The following ZNF532 variants were observed in gnomAD, a reference collection of about 807,000 sequenced individuals.
ZNF532 encodes zinc finger protein 532.
A neutral mutation model predicts 89.3 loss-of-function variants in ZNF532; 22 were observed. The ratio of observed to expected loss-of-function variants is 0.25; its 90% confidence interval spans 0.18 to 0.35. ZNF532 has a LOEUF of 0.35. Ranked by LOEUF, ZNF532 falls within the 10% of genes least tolerant of loss-of-function variation. The probability of loss-of-function intolerance (pLI) is 1.00; values close to 1 mark genes in which losing one functional copy is unlikely to be tolerated. For missense variants in ZNF532, 1,132 were observed against 1,643.4 expected, an observed-to-expected ratio of 0.69 and a Z score of 5.38; for synonymous variants, 606 against 649.6, an observed-to-expected ratio of 0.93 and a Z score of 1.02.
At chr18:58,971,304 A>G (rs1224580286) in intron 7 of ZNF532, among the ~76,000 whole-genome samples, 1 of 152,200 alleles carries the variant, frequency 6.6e-6, no homozygotes, top group Non-Finnish European at 1.5e-5. Context: ...TTTTCACTTT[A>G]TAGTTATGAC....
chr18:58,900,372 C>T (rs2059526397), intron 2 of ZNF532, among the ~76,000 whole-genome samples: 1 of 152,214 alleles, frequency 6.6e-6, no homozygotes, highest in African/African-American at 2.4e-5. Flanking sequence ...CTGTCTCATG[C>T]TCACCCTGTG....
chr18:58,927,135 G>T (rs1287757013), intron 3 of ZNF532, among the ~76,000 whole-genome samples: 11 of 152,174 alleles, frequency 7.2e-5, no homozygotes, highest in Non-Finnish European at 1.5e-5. Flanking sequence ...TGGGCCTAGA[G>T]ATTTCTTTTC....
intron 2 of ZNF532, among the ~76,000 whole-genome samples, chr18:58,880,771 C>CGCGTGTGTGTGTGTGTGTGT (rs1440107025): frequency 2.8e-4 from 41 of 145,366 alleles, no homozygotes; most frequent in East Asian, 1.6e-3. Context: ...CACGCGCGCG[C>CGCGTGTGTGTGTGTGTGTGT]GTCTGTGTGT....
intron 7 of ZNF532, among the ~76,000 whole-genome samples, chr18:58,969,203 C>T (rs1484493536): frequency 6.6e-6 from 1 of 152,148 alleles, no homozygotes; most frequent in African/African-American, 2.4e-5. Flanking sequence ...CCACAGCCAC[C>T]TCGAGTTGTG....
rs142819008 is a variant in ZNF532, at chr18:58,887,907, A to T, written c.-18+22328A>T. 1.7e-4 allele frequency among the ~76,000 whole-genome samples: 26 copies of T among 152,334 alleles called. No homozygotes were observed. In the East Asian group the frequency reaches 5.0e-3, roughly 29 times the overall value. ...TCCCCCGGGGCAGAGGGGAGCAGAA[A>T]TAATATGCCAATGGCTTTTCCTGCG... On this transcript the variant is annotated intron_variant, in intron 2 of 9. Transcript: ENST00000591808.
chr18:58,950,252 A>G (rs2064033954), intron 6 of ZNF532, among the ~76,000 whole-genome samples: 1 of 152,158 alleles, frequency 6.6e-6, no homozygotes, highest in Non-Finnish European at 1.5e-5. Flanking sequence ...AATTTGGAGG[A>G]ATACAAGGTT....
At position 58,920,444 on chromosome 18, in the gene ZNF532, T is replaced by C. The variant is rs565787315; in HGVS notation, c.2157T>C (p.Ile719=). 1.9e-6 allele frequency: 3 copies of C among 1,613,876 alleles called. No homozygotes were observed. The East Asian group carries it at 6.7e-5, about 36-fold the overall frequency. ...VGAGTHTVTK[I]QSGITGTVIS... ...CTGGCACACACACTGTCACAAAAATTCAGTCTGGCATAACTGGGACAGTCA... is the reference window on the plus strand; with the variant it reads ...CTGGCACACACACTGTCACAAAAATCCAGTCTGGCATAACTGGGACAGTCA... The change falls in exon 3 of 10, where the codon ATT becomes ATC. Residue 719 remains isoleucine (I), a synonymous_variant. Coordinates refer to ENST00000591808, the MANE Select transcript of ZNF532 (RefSeq NM_001375912.1).
chr18:58,942,337 CCCTCCCTCCCTCCCTTCCTTCCTT>C (rs1205780221), intron 5 of ZNF532, among the ~76,000 whole-genome samples: 7 of 63,386 alleles, frequency 1.1e-4, no homozygotes, highest in African/African-American at 4.6e-4. Flanking sequence ...CTCCCTCCCT[CCCTCCCTCCCTCCCTTCCTTCCTT>C]CCTTCCTTCC....
upstream of ZNF532, chr18:58,863,470 C>CTAGA (rs1203242781): frequency 1.5e-5 from 2 of 136,012 alleles, no homozygotes; most frequent in African/African-American, 2.7e-5. Context: ...CCCCCTCGCC[C>CTAGA]GCGCTCCCTT....
At position 58,948,521 on chromosome 18, in the gene ZNF532, T is replaced by A. The variant is rs114543784; in HGVS notation, c.2868+292T>A. On this transcript the variant is annotated intron_variant, in intron 6 of 9. Transcript: ENST00000591808. ...TAAGTTTTTTGTTTTTTGTTTTTTT[T>A]AATATGTGAAAATGATGACTGTGAA... is the stretch of plus-strand genomic sequence containing the variant. Among the ~76,000 whole-genome samples, 221 of 152,080 alleles carry A rather than the reference T, an allele frequency of 1.5e-3. 1 individual carries two copies. Among genetic ancestry groups the A allele is most frequent in the African/African-American group, 5.0e-3 (206 of 41,506 alleles).
intron 2 of ZNF532, among the ~76,000 whole-genome samples, chr18:58,900,041 C>T (rs1451588201): frequency 1.3e-5 from 2 of 152,028 alleles, no homozygotes; most frequent in Non-Finnish European, 2.9e-5. Flanking sequence ...CATCTCTGTC[C>T]TCTTTATTTT....
intron 2 of ZNF532, among the ~76,000 whole-genome samples, chr18:58,876,052 C>T (rs535580289): frequency 2.0e-3 from 305 of 151,606 alleles, no homozygotes; most frequent in Middle Eastern, 3.4e-3. Flanking sequence ...CCTGCCTCAG[C>T]CTCCCGAGTA....
intron 5 of ZNF532, among the ~76,000 whole-genome samples, chr18:58,946,936 T>C (rs1345337737): frequency 2.0e-5 from 3 of 152,074 alleles, no homozygotes; most frequent in Admixed American, 6.5e-5. Context: ...GGAAGTCCTC[T>C]CTCAGGGCCC....
intron 2 of ZNF532, among the ~76,000 whole-genome samples, chr18:58,869,031 T>TACTGCG (rs2056740079): frequency 4.6e-5 from 7 of 152,188 alleles, no homozygotes; most frequent in African/African-American, 1.7e-4. Flanking sequence ...ACTATTTGTG[T>TACTGCG]TTCTGACCAA....
chr18:58,951,336 T>C (rs188468049), intron 6 of ZNF532, among the ~76,000 whole-genome samples: 1 of 152,346 alleles, frequency 6.6e-6, no homozygotes, highest in Admixed American at 6.5e-5. Flanking sequence ...TTTAAGGTTA[T>C]CTTACAGAAG....
chr18:58,883,145 CATA>C (rs990897774), intron 2 of ZNF532, among the ~76,000 whole-genome samples: 3 of 152,156 alleles, frequency 2.0e-5, no homozygotes, highest in African/African-American at 7.2e-5. Context: ...CTCAATATAA[CATA>C]ATGATTGATA....
intron 5 of ZNF532, chr18:58,940,107 A>G (rs1011917792): frequency 6.6e-6 from 1 of 152,414 alleles, no homozygotes; most frequent in Admixed American, 6.5e-5. Flanking sequence ...GTTAGCCAGG[A>G]TGGTGTCGAT....
At chr18:58,912,652 T>C (rs879402870) in intron 2 of ZNF532, among the ~76,000 whole-genome samples, 2 of 152,158 alleles carry the variant, frequency 1.3e-5, no homozygotes, top group Non-Finnish European at 2.9e-5. Context: ...GTCTGATTAG[T>C]GTGAAGGCTA....
chr18:58,902,188 G>T (rs890960573), intron 2 of ZNF532, among the ~76,000 whole-genome samples: 4 of 152,124 alleles, frequency 2.6e-5, no homozygotes, highest in Non-Finnish European at 4.4e-5. Flanking sequence ...CAGCGGTGTT[G>T]TCTGTGTCAG....
Sources: gnomAD v4.1 joint callset for allele counts (sites outside exome capture counted in the v4.1 genomes callset) on GRCh38, gnomAD v4.1.1 for gene constraint, MANE v1.5 for transcripts, NCBI Gene and HGNC (gene_info 2026-07-23, HGNC 2026-07-21) for gene names.